ADAMTS17: variants seen among roughly 807,000 people sequenced by gnomAD.
ADAMTS17 encodes the protein A disintegrin and metalloproteinase with thrombospondin motifs 17.
Under a neutral mutation model 141.5 loss-of-function variants are expected in ADAMTS17, and 113 were observed. The observed-to-expected ratio is 0.80, with a 90% confidence interval of 0.69 to 0.93. The LOEUF is 0.93. Ranked by LOEUF, ADAMTS17 falls within the 40% of genes least tolerant of loss-of-function variation. ADAMTS17 has a pLI of 0.00. For missense variants in ADAMTS17, 1,659 were observed against 1,517.9 expected (o/e 1.09, Z -1.54); for synonymous variants, 768 against 630.6 (o/e 1.22, Z -3.27).
chr15:100,208,955 C>T (rs545197194), intron 7 of ADAMTS17, among the ~76,000 whole-genome samples: 1 of 152,214 alleles, frequency 6.6e-6, no homozygotes, highest in South Asian at 2.1e-4. Flanking sequence ...TGAGCCATTT[C>T]TAATTTACCT....
At chr15:100,247,169 G>C (rs2141928311) in intron 7 of ADAMTS17, among the ~76,000 whole-genome samples, 1 of 152,224 alleles carries the variant, frequency 6.6e-6, no homozygotes, top group South Asian at 2.1e-4. Flanking sequence ...TTACTGGCAT[G>C]AACCACCACA....
chr15:100,095,932 G>A (rs574704831), intron 15 of ADAMTS17, among the ~76,000 whole-genome samples: 154 of 152,170 alleles, frequency 1.0e-3, no homozygotes, highest in Non-Finnish European at 1.8e-3. Flanking sequence ...CTTCATGCAC[G>A]TTTTAGAAAT....
At chr15:100,208,154 ACCCAGGAG>A (rs2041652095) in intron 7 of ADAMTS17, among the ~76,000 whole-genome samples, 1 of 151,894 alleles carries the variant, frequency 6.6e-6, no homozygotes, top group Non-Finnish European at 1.5e-5. Context: ...TCTGTCAGGA[ACCCAGGAG>A]CCTCCCCTAG....
At chr15:100,048,795 C>G (rs2031911165) in intron 18 of ADAMTS17, 62 bp downstream of exon 18, 2 of 1,612,200 alleles carry the variant, frequency 1.2e-6, no homozygotes, top group Middle Eastern at 3.4e-4. Context: ...TCACTCCCCA[C>G]CACTGATGGT....
chr15:100,323,084 CAAAAA>C (rs60468549), intron 3 of ADAMTS17, among the ~76,000 whole-genome samples: 3 of 107,486 alleles, frequency 2.8e-5, no homozygotes, highest in Admixed American at 1.0e-4. Flanking sequence ...GACTCCGTCT[CAAAAA>C]AAAAAAAAAA....
intron 3 of ADAMTS17, among the ~76,000 whole-genome samples, chr15:100,285,272 C>T (rs1232929278): frequency 6.6e-6 from 1 of 152,158 alleles, no homozygotes; most frequent in Non-Finnish European, 1.5e-5. Context: ...TTAGAATCTT[C>T]AAATTACAAT....
intron 3 of ADAMTS17, among the ~76,000 whole-genome samples, chr15:100,316,376 G>C (rs958806575): frequency 6.6e-6 from 1 of 152,226 alleles, no homozygotes; most frequent in Non-Finnish European, 1.5e-5. Context: ...TGGGAGCCAA[G>C]AACCCCCGGA....
intron 3 of ADAMTS17, among the ~76,000 whole-genome samples, chr15:100,308,464 C>G (rs1031569632): frequency 6.6e-6 from 1 of 152,208 alleles, no homozygotes; most frequent in Non-Finnish European, 1.5e-5. Context: ...ACGTCATTCA[C>G]GCTGGAAGCA....
chr15:100,206,322 G>A (rs1302699138), intron 7 of ADAMTS17, among the ~76,000 whole-genome samples: 2 of 152,206 alleles, frequency 1.3e-5, no homozygotes, highest in Non-Finnish European at 2.9e-5. Flanking sequence ...GCTCCTGTGT[G>A]TGCACTTGAG....
intron 3 of ADAMTS17, among the ~76,000 whole-genome samples, chr15:100,324,138 C>G (rs1157428395): frequency 6.6e-6 from 1 of 152,096 alleles, no homozygotes; most frequent in Non-Finnish European, 1.5e-5. Flanking sequence ...AACCCCATCT[C>G]TACTAAAAGT....
intron 18 of ADAMTS17, among the ~76,000 whole-genome samples, chr15:100,029,350 A>C (rs541595302): frequency 1.3e-5 from 2 of 152,290 alleles, no homozygotes; most frequent in South Asian, 4.1e-4. Context: ...ACTGTGGCAA[A>C]CTGCAAAACA....
At chr15:100,121,426 G>A (rs1407441228) in intron 12 of ADAMTS17, among the ~76,000 whole-genome samples, 1 of 152,164 alleles carries the variant, frequency 6.6e-6, no homozygotes, top group Non-Finnish European at 1.5e-5. Context: ...AAGACAAAGA[G>A]AGAATCTTGA....
rs573984357 is a variant in ADAMTS17 at position 100,056,565 on chromosome 15, G to A, written c.2138-2511C>T. On this transcript the variant is annotated intron_variant, in intron 15 of 21. Coordinates refer to ENST00000268070, the MANE Select transcript of ADAMTS17 (RefSeq NM_139057.4). ...ACGTGCCATTCACAATAGGGTTTGC[G>A]CTCCTATGAGAATCTAATGTCCCAC... 1.9e-4 allele frequency among the ~76,000 whole-genome samples: 29 copies of A among 152,214 alleles called. No individual in the cohort carries two copies. In the East Asian group the frequency reaches 3.9e-3, roughly 20 times the overall value.
At chr15:100,239,138 T>C (rs532857227) in intron 7 of ADAMTS17, among the ~76,000 whole-genome samples, 1 of 152,350 alleles carries the variant, frequency 6.6e-6, no homozygotes, top group South Asian at 2.1e-4. Flanking sequence ...CCCAACCGCC[T>C]GGGGTCAGAG....
intron 18 of ADAMTS17, among the ~76,000 whole-genome samples, chr15:100,003,130 C>T (rs2060962973): frequency 6.6e-6 from 1 of 152,084 alleles, no homozygotes; most frequent in Non-Finnish European, 1.5e-5. Flanking sequence ...GCCTCCCAAC[C>T]CCACCATGGG....
intron 8 of ADAMTS17, chr15:100,168,797 G>T (rs1247280756): frequency 2.6e-5 from 4 of 152,232 alleles, no homozygotes; most frequent in African/African-American, 9.7e-5. Flanking sequence ...CGGGTTGGGG[G>T]ATGTGATTCT....
chr15:100,141,247 T>C (rs2038635875), intron 10 of ADAMTS17, among the ~76,000 whole-genome samples: 2 of 152,078 alleles, frequency 1.3e-5, no homozygotes, highest in South Asian at 4.1e-4. Context: ...CGCGGGAAGG[T>C]TTGAGCTGCT....
chr15:100,254,120 T>G lies in ADAMTS17; in HGVS notation c.1075+16A>C. On this transcript the variant is annotated intron_variant, in intron 7 of 21. Transcript: ENST00000268070. ...TGTATCAGCCCCTTAGATTATTATTTCAACTCTAAACTTACCAACAGTGTC... is the reference window on the plus strand; with the variant it reads ...TGTATCAGCCCCTTAGATTATTATTGCAACTCTAAACTTACCAACAGTGTC... 1 of 1,611,106 alleles carries G rather than the reference T, an allele frequency of 6.2e-7. No homozygotes were observed. The highest frequency in any genetic ancestry group is 8.5e-7 in the Non-Finnish European group (1 of 1,177,290).
At chr15:100,147,730 C>A (rs535397313) in intron 10 of ADAMTS17, among the ~76,000 whole-genome samples, 2 of 152,240 alleles carry the variant, frequency 1.3e-5, no homozygotes, top group Non-Finnish European at 2.9e-5. Flanking sequence ...GAATGTCATA[C>A]CTTTTACTTT....
Sources: allele counts gnomAD v4.1 joint callset (sites outside exome capture counted in the v4.1 genomes callset), GRCh38; gene constraint gnomAD v4.1.1; transcripts MANE v1.5; gene names NCBI Gene and HGNC (gene_info 2026-07-23, HGNC 2026-07-21).